NFIA: variants seen among roughly 807,000 people sequenced by gnomAD.
The protein encoded by NFIA is nuclear factor 1 A-type.
Under a neutral mutation model 62.8 loss-of-function variants are expected in NFIA, and 8 were observed. The observed-to-expected ratio is 0.13, with a 90% CI of 0.07 to 0.23. The LOEUF is 0.23. Among genes scored for constraint, NFIA ranks in the 10% least tolerant of loss-of-function variants. The pLI is 1.00. For missense variants in NFIA, 410 were observed against 642.1 expected (o/e 0.64, Z 3.91); for synonymous variants, 235 against 238.1 (o/e 0.99, Z 0.12).
chr1:61,121,889 T>C (rs547713725), intron 2 of NFIA, among the ~76,000 whole-genome samples: 85 of 152,282 alleles, frequency 5.6e-4, no homozygotes, highest in Non-Finnish European at 7.2e-4. Flanking sequence ...ACTTGTGTCA[T>C]TGCAGTAGGA....
chr1:61,292,128 T>C (rs1371204389), intron 3 of NFIA, among the ~76,000 whole-genome samples: 1 of 152,170 alleles, frequency 6.6e-6, no homozygotes, highest in Non-Finnish European at 1.5e-5. Context: ...GAGAATGCAT[T>C]ATTAGAAATA....
intron 9 of NFIA, among the ~76,000 whole-genome samples, chr1:61,422,943 C>T (rs2024790): frequency 0.43 from 64,758 of 151,698 alleles, 14,626 homozygotes; most frequent in South Asian, 0.59. Flanking sequence ...GAGGCAGGAC[C>T]GGTATTGTCT....
chr1:61,177,954 A>G (rs1650504434), intron 2 of NFIA, among the ~76,000 whole-genome samples: 1 of 152,184 alleles, frequency 6.6e-6, no homozygotes, highest in South Asian at 2.1e-4. Context: ...ACAGTAAATC[A>G]GCTCTTTCAA....
At chr1:61,399,426 G>T (rs1014997641) in intron 7 of NFIA, among the ~76,000 whole-genome samples, 3 of 152,200 alleles carry the variant, frequency 2.0e-5, no homozygotes, top group African/African-American at 7.2e-5. Context: ...AAAGGCTGAT[G>T]CCAGAAAGCA....
At chr1:61,082,180 A>T, upstream of NFIA, 1 of 151,090 alleles carries the variant, frequency 6.6e-6, no homozygotes, top group East Asian at 2.9e-4. Context: ...TGCGTTACCC[A>T]GTAATGCGCT....
At chr1:61,414,618 T>C (rs1666272175) in intron 9 of NFIA, among the ~76,000 whole-genome samples, 1 of 151,918 alleles carries the variant, frequency 6.6e-6, no homozygotes, top group African/African-American at 2.4e-5. Context: ...TAAGTATGAA[T>C]TGGTTTCTGT....
At chr1:61,412,706 A>G (rs1666159492) in intron 9 of NFIA, among the ~76,000 whole-genome samples, 1 of 152,148 alleles carries the variant, frequency 6.6e-6, no homozygotes, top group East Asian at 1.9e-4. Context: ...TTTGCAGGTG[A>G]CTGGGTTTTT....
intron 1 of NFIA, among the ~76,000 whole-genome samples, chr1:61,083,267 G>A (rs1453894644): frequency 6.6e-6 from 1 of 152,090 alleles, no homozygotes. Flanking sequence ...GGCCGCCGAC[G>A]GAGCCCACCG....
At chr1:61,152,233 G>A (rs944334208) in intron 2 of NFIA, among the ~76,000 whole-genome samples, 1 of 152,184 alleles carries the variant, frequency 6.6e-6, no homozygotes, top group Non-Finnish European at 1.5e-5. Context: ...CAAAGAGGCA[G>A]CAGGTCTTGT....
chr1:61,230,567 C>T (rs1382827925), intron 2 of NFIA, among the ~76,000 whole-genome samples: 2 of 152,146 alleles, frequency 1.3e-5, no homozygotes, highest in South Asian at 2.1e-4. Flanking sequence ...GACTTTGTAA[C>T]CTCTTTACTC....
chr1:61,111,185 C>T (rs2100453442), intron 2 of NFIA, among the ~76,000 whole-genome samples: 1 of 152,216 alleles, frequency 6.6e-6, no homozygotes, highest in Admixed American at 6.5e-5. Flanking sequence ...AGACTGAATG[C>T]TTGCTTTACT....
intron 4 of NFIA, among the ~76,000 whole-genome samples, chr1:61,346,466 A>G (rs1277693974): frequency 6.6e-6 from 1 of 152,254 alleles, no homozygotes; most frequent in Admixed American, 6.5e-5. Flanking sequence ...TAAAAAGTAT[A>G]CTGTGTTACA....
intron 3 of NFIA, among the ~76,000 whole-genome samples, chr1:61,328,205 G>A (rs1661063444): frequency 6.6e-6 from 1 of 151,696 alleles, no homozygotes; most frequent in African/African-American, 2.4e-5. Context: ...TAGGGCAGGG[G>A]GCTCAGAACA....
At chr1:61,116,526 T>C (rs1263948817) in intron 2 of NFIA, among the ~76,000 whole-genome samples, 1 of 152,186 alleles carries the variant, frequency 6.6e-6, no homozygotes, top group African/African-American at 2.4e-5. Flanking sequence ...CTGCCTGGCA[T>C]GCATCTTCTC....
intron 2 of NFIA, among the ~76,000 whole-genome samples, chr1:61,245,896 A>G (rs182928623): frequency 9.3e-4 from 142 of 152,332 alleles, no homozygotes; most frequent in Non-Finnish European, 1.0e-3. Flanking sequence ...TGGATGATCT[A>G]TAAACCACTC....
intron 3 of NFIA, among the ~76,000 whole-genome samples, chr1:61,302,443 A>C (rs2100332103): frequency 6.6e-6 from 1 of 152,376 alleles, no homozygotes; most frequent in East Asian, 1.9e-4. Context: ...GGGAATATGC[A>C]GCAATGACGA....
At chr1:61,383,493 C>T in intron 7 of NFIA, 128 bp downstream of exon 7, 2 of 1,203,852 alleles carry the variant, frequency 1.7e-6, no homozygotes, top group Non-Finnish European at 2.2e-6. Context: ...ATTTCTTACC[C>T]TTGGGGGCAG....
At chr1:61,428,625 G>A (rs1012149899) in intron 10 of NFIA, among the ~76,000 whole-genome samples, 1 of 151,882 alleles carries the variant, frequency 6.6e-6, no homozygotes, top group African/African-American at 2.4e-5. Flanking sequence ...TCCCTTAAAT[G>A]AGGAACTATT....
chr1:61,158,455 A>C (rs12042578), intron 2 of NFIA, among the ~76,000 whole-genome samples: 7,897 of 152,174 alleles, frequency 0.052, 282 homozygotes, highest in East Asian at 0.093. Flanking sequence ...CCACAAAAAA[A>C]CCTTTTGTGT....
Sources: gnomAD v4.1 joint callset for allele counts (sites outside exome capture counted in the v4.1 genomes callset) on GRCh38, gnomAD v4.1.1 for gene constraint, MANE v1.5 for transcripts, NCBI Gene and HGNC (gene_info 2026-07-23, HGNC 2026-07-21) for gene names.